Variants in MYOF observed in about 807,000 individuals in gnomAD.
The protein encoded by MYOF is fer-1-like 3, myoferlin.
Under a neutral mutation model 284.2 loss-of-function variants are expected in MYOF, and 244 were observed. The observed-to-expected ratio is 0.86, with a 90% CI of 0.77 to 0.95. The LOEUF (loss-of-function observed/expected upper bound fraction) is 0.95. Among genes scored for constraint, MYOF ranks in the 40% least tolerant of loss-of-function variants. MYOF has a pLI of 0.00. For synonymous variants in MYOF, 904 were observed against 919.7 expected (o/e 0.98, Z 0.31); for missense variants, 2,496 against 2,560.6 (o/e 0.97, Z 0.54).
At chr10:93,407,039 A>G (rs1300153503) in intron 7 of MYOF, among the ~76,000 whole-genome samples, 1 of 152,116 alleles carries the variant, frequency 6.6e-6, no homozygotes, top group Non-Finnish European at 1.5e-5. Flanking sequence ...CCCACAGCCC[A>G]GTCATGGAGT....
intron 1 of MYOF, among the ~76,000 whole-genome samples, chr10:93,458,327 T>C (rs1247477592): frequency 6.6e-6 from 1 of 151,906 alleles, no homozygotes; most frequent in Non-Finnish European, 1.5e-5. Context: ...CACTCCAGCC[T>C]GGGAAACAAA....
chr10:93,373,518 CCT>C (rs1317707570), intron 23 of MYOF, among the ~76,000 whole-genome samples: 2 of 133,122 alleles, frequency 1.5e-5, no homozygotes, highest in Admixed American at 7.7e-5. Context: ...TTTTCAAAAA[CCT>C]CTTTTTTTAT....
chr10:93,339,213 A>T (rs1034561686), intron 39 of MYOF, among the ~76,000 whole-genome samples: 1 of 152,072 alleles, frequency 6.6e-6, no homozygotes, highest in African/African-American at 2.4e-5. Flanking sequence ...GGGTTTCACC[A>T]TATTGGCCAG....
intron 1 of MYOF, among the ~76,000 whole-genome samples, chr10:93,459,454 T>C (rs1158673355): frequency 6.6e-6 from 1 of 152,220 alleles, no homozygotes; most frequent in African/African-American, 2.4e-5. Context: ...CAGGTAAACA[T>C]GGTCATTCCC....
chr10:93,381,324 C>T lies in MYOF; in HGVS notation c.1771G>A (p.Glu591Lys), dbSNP rs763405795. 1.9e-6 allele frequency: 3 copies of T among 1,614,220 alleles called. No homozygotes were observed. The highest frequency in any genetic ancestry group is 2.5e-6 in the Non-Finnish European group (3 of 1,180,036). The stretch of plus-strand genomic sequence containing the variant: ...ATGCTGACTTCAAACTGAATGGCCT[C>T]ACCAACATCTTGCAACATGGTGGCT... ...HSATMLQDVG[E>K]AIQFEVSIGN... is the part of the protein sequence containing the mutation. The change falls in exon 20 of 54, where the codon GAG becomes AAG. Residue 591 changes from glutamate (E) to lysine (K), a missense_variant. Coordinates refer to ENST00000359263, the MANE Select transcript of MYOF (RefSeq NM_013451.4).
Position 93,448,532 on chromosome 10 carries a change from C to T in MYOF, c.236+3518G>A, listed in dbSNP as rs114042360. On this transcript the variant is annotated intron_variant, in intron 3 of 53. Coordinates refer to ENST00000359263, the MANE Select transcript of MYOF (RefSeq NM_013451.4). ...CCTTCAGGAAAGCAAGGACTTTAAA[C>T]CATAGATGAGAGTTTTGAGGCCAGC... Among the ~76,000 whole-genome samples the T allele has an allele frequency of 6.6e-3, 998 of 152,236 alleles. 7 individuals are homozygous for T. Among genetic ancestry groups the T allele is most frequent in the Middle Eastern group, 0.034 (10 of 294 alleles).
At chr10:93,454,581 C>G (rs1333013269) in intron 2 of MYOF, among the ~76,000 whole-genome samples, 1 of 152,196 alleles carries the variant, frequency 6.6e-6, no homozygotes, top group African/African-American at 2.4e-5. Context: ...CTCTTGCTCT[C>G]ATGGAGCTTG....
At chr10:93,326,590 TCA>T (rs1179341291) in intron 45 of MYOF, among the ~76,000 whole-genome samples, 1 of 152,164 alleles carries the variant, frequency 6.6e-6, no homozygotes, top group Non-Finnish European at 1.5e-5. Flanking sequence ...ATTTGGAGGT[TCA>T]GTTTTTACAG....
intron 5 of MYOF, among the ~76,000 whole-genome samples, chr10:93,416,232 C>A (rs1005532206): frequency 1.3e-5 from 2 of 152,220 alleles, no homozygotes; most frequent in Non-Finnish European, 2.9e-5. Flanking sequence ...AAAGAAACTT[C>A]TCTCGGCCGG....
intron 5 of MYOF, among the ~76,000 whole-genome samples, chr10:93,415,651 T>G (rs1416518486): frequency 4.6e-5 from 7 of 152,204 alleles, no homozygotes; most frequent in Non-Finnish European, 8.8e-5. Context: ...ATCATCTACC[T>G]GTATCTGTTG....
chr10:93,454,986 TTAAAAAAAAAAAA>T (rs2056701986), intron 2 of MYOF, among the ~76,000 whole-genome samples: 1 of 84,586 alleles, frequency 1.2e-5, no homozygotes. Flanking sequence ...CTTTTTTTAA[TTAAAAAAAAAAAA>T]AAAAAAAAAA....
At chr10:93,396,573 A>G (rs1301588570) in intron 15 of MYOF, among the ~76,000 whole-genome samples, 2 of 152,252 alleles carry the variant, frequency 1.3e-5, no homozygotes, top group Admixed American at 6.5e-5. Flanking sequence ...TGAAATTGCA[A>G]TTGTACAGAG....
intron 1 of MYOF, 80 bp from the exon 2 acceptor site, chr10:93,457,017 C>T: frequency 9.3e-7 from 1 of 1,077,144 alleles, no homozygotes; most frequent in African/African-American, 1.6e-5. Flanking sequence ...ATTCTAAGAA[C>T]ATTACCCAAG....
intron 6 of MYOF, among the ~76,000 whole-genome samples, 160 bp from the exon 7 acceptor site, chr10:93,409,075 T>C (rs1471733620): frequency 6.6e-6 from 1 of 152,130 alleles, no homozygotes; most frequent in Non-Finnish European, 1.5e-5. Flanking sequence ...TGGAGCCACC[T>C]AGGGTCATTC....
intron 53 of MYOF, among the ~76,000 whole-genome samples, chr10:93,307,765 C>T (rs1450161797): frequency 1.3e-5 from 2 of 150,968 alleles, no homozygotes; most frequent in South Asian, 2.1e-4. Context: ...GCTGGGATTA[C>T]AGGCGCCCAC....
intron 1 of MYOF, among the ~76,000 whole-genome samples, chr10:93,481,262 G>A (rs180773805): frequency 5.5e-4 from 83 of 152,162 alleles, no homozygotes; most frequent in East Asian, 1.9e-3. Context: ...GTGCAGTGGC[G>A]TGATCACGGC....
At chr10:93,396,332 A>C in intron 15 of MYOF, 108 bp from the exon 16 acceptor site, 1 of 739,816 alleles carries the variant, frequency 1.4e-6, no homozygotes, top group Non-Finnish European at 2.1e-6. Context: ...GCTGGAAAAT[A>C]CCCCAGACTT....
At chr10:93,378,693 G>GTGTGTGTGTGTATATATATATATA in intron 21 of MYOF, among the ~76,000 whole-genome samples, 6 of 87,888 alleles carry the variant, frequency 6.8e-5, no homozygotes, top group African/African-American at 2.4e-4. Context: ...GTGTGTGTGT[G>GTGTGTGTGTGTATATATATATATA]TATATATATA....
chr10:93,362,490 C>A (rs900338865), intron 27 of MYOF, among the ~76,000 whole-genome samples: 1 of 152,120 alleles, frequency 6.6e-6, no homozygotes, highest in Admixed American at 6.6e-5. Context: ...AGCGATCCAC[C>A]CACCTCAGCC....
Sources: gnomAD v4.1 joint callset for allele counts (sites outside exome capture counted in the v4.1 genomes callset) on GRCh38, gnomAD v4.1.1 for gene constraint, MANE v1.5 for transcripts, NCBI Gene and HGNC (gene_info 2026-07-23, HGNC 2026-07-21) for gene names.